PPL: variants seen among roughly 807,000 people sequenced by gnomAD.
PPL encodes periplakin.
Under a neutral mutation model 194.4 loss-of-function variants are expected in PPL, and 198 were observed. That is an observed-to-expected ratio of 1.02 (90% CI 0.91 to 1.15). The LOEUF (loss-of-function observed/expected upper bound fraction) is 1.15, where lower values mean the gene tolerates loss of function less well. Ranked by LOEUF, PPL falls within the 50% of genes most tolerant of loss-of-function variation. PPL has a pLI of 0.00. For synonymous variants in PPL, 1,220 were observed against 972.4 expected (o/e 1.25, Z -4.74); for missense variants, 2,885 against 2,294.8 (o/e 1.26, Z -5.25).
chr16:4,883,154 T>C lies in PPL; in HGVS notation c.*230A>G, dbSNP rs2088131922. ...AAAAGGCATCGCAGTTGTCCAGTCA[T>C]TGGAGGATGAAGTACGTCACTCAGG... On this transcript the variant is annotated 3_prime_UTR_variant, in exon 22 of 22. Coordinates refer to ENST00000345988, the MANE Select transcript of PPL (RefSeq NM_002705.5). The surrounding 1 kb of genome is among the most constrained non-coding windows in gnomAD (Gnocchi z 4.8). 3.6e-6 allele frequency: 2 copies of C among 559,140 alleles called. No individual in the cohort carries two copies. The highest frequency in any genetic ancestry group is 1.9e-5 in the African/African-American group (1 of 53,034). 34.6% of individuals were successfully genotyped at this position (559,140 alleles called of 1,614,324 possible).
Position 4,900,769 on chromosome 16 carries a change from G to A in PPL, c.606+61C>T, listed in dbSNP as rs1056839670. On this transcript the variant is annotated intron_variant, in intron 6 of 21. Transcript: ENST00000345988. The stretch of plus-strand genomic sequence containing the variant: ...TAAAACAATACATCCTTGTCCCCCC[G>A]ACTCCAAGCTTCCCATCCTCTCCTC... 1.4e-5 allele frequency: 22 copies of A among 1,606,156 alleles called. 1 individual carries two copies. The highest frequency in any genetic ancestry group is 6.7e-5 in the Admixed American group (4 of 59,880).
At chr16:4,893,751 C>T (rs913308745) in intron 12 of PPL, 113 bp from the exon 13 acceptor site, 5 of 820,796 alleles carry the variant, frequency 6.1e-6, no homozygotes, top group African/African-American at 3.4e-5. Context: ...CTGACAGCTC[C>T]TTAGATGCGG....
intron 9 of PPL, among the ~76,000 whole-genome samples, chr16:4,896,882 G>A (rs780481810): frequency 7.9e-5 from 12 of 151,738 alleles, no homozygotes; most frequent in Admixed American, 1.3e-4. Context: ...TGATCCAGTC[G>A]CCTCGGCTTC....
intron 2 of PPL, among the ~76,000 whole-genome samples, chr16:4,906,472 G>A (rs930867383): frequency 3.3e-5 from 5 of 152,072 alleles, no homozygotes; most frequent in East Asian, 1.9e-4. Flanking sequence ...TGATCCACCC[G>A]CCTCGGCCTC....
intron 1 of PPL, among the ~76,000 whole-genome samples, chr16:4,911,428 C>T (rs1196659904): frequency 1.3e-5 from 2 of 152,114 alleles, no homozygotes; most frequent in Non-Finnish European, 2.9e-5. Context: ...TCCCAAAGTG[C>T]TGGGATTACA....
In PPL at chr16:4,899,250, G is replaced by C. The variant is rs1324388626; in HGVS notation, c.741C>G (p.Asp247Glu). ...CATACTGGCGCCGGCGGCTGGGGTA[G>C]TCGAGGTTGCGGTCACTCCAGTCGT... ...MQYDWSDRNL[D>E]YPSRRRQYEN... is the part of the protein sequence containing the mutation. The change falls in exon 7 of 22, where the codon GAC becomes GAG. Residue 247 changes from aspartate (D) to glutamate (E), a missense_variant. Transcript: ENST00000345988. The C allele has an allele frequency of 8.7e-6, 14 of 1,613,830 alleles. No homozygotes were observed. Among genetic ancestry groups the C allele is most frequent in the Non-Finnish European group, 1.2e-5 (14 of 1,179,988 alleles).
intron 1 of PPL, among the ~76,000 whole-genome samples, chr16:4,917,446 A>G (rs900675683): frequency 1.3e-5 from 2 of 152,196 alleles, no homozygotes; most frequent in Non-Finnish European, 2.9e-5. Flanking sequence ...AACGTCCAGA[A>G]TGCAGAAATC....
At chr16:4,897,930 GGGA>G (rs1367388401) in intron 8 of PPL, among the ~76,000 whole-genome samples, 160 bp from the exon 9 acceptor site, 2 of 152,284 alleles carry the variant, frequency 1.3e-5, no homozygotes, top group African/African-American at 2.4e-5. Flanking sequence ...GCTCAGGAGT[GGGA>G]GGAGGAGAGA....
At chr16:4,935,800 A>G (rs1040002648) in intron 1 of PPL, among the ~76,000 whole-genome samples, 2 of 152,238 alleles carry the variant, frequency 1.3e-5, no homozygotes, top group Admixed American at 6.5e-5. Context: ...CCCTGGGCCC[A>G]GAGGCCTCTC....
chr16:4,896,632 C>T (rs1037478288), intron 9 of PPL, among the ~76,000 whole-genome samples: 21 of 144,190 alleles, frequency 1.5e-4, no homozygotes, highest in East Asian at 3.9e-4. Flanking sequence ...CTAATGAGTA[C>T]GGGGTTGTTT....
chr16:4,888,702 T>A (rs2088258071), intron 19 of PPL: 2 of 470,612 alleles, frequency 4.2e-6, no homozygotes, highest in East Asian at 6.2e-5. Flanking sequence ...AACAATGTTG[T>A]TTATCCTGCA....
At chr16:4,929,177 C>G (rs1466050358) in intron 1 of PPL, among the ~76,000 whole-genome samples, 1 of 151,552 alleles carries the variant, frequency 6.6e-6, no homozygotes, top group East Asian at 1.9e-4. Flanking sequence ...AGCACCCAAC[C>G]TCAAGGCCTT....
chr16:4,923,979 A>C (rs999908485), intron 1 of PPL, among the ~76,000 whole-genome samples: 12 of 152,130 alleles, frequency 7.9e-5, no homozygotes, highest in Admixed American at 2.6e-4. Context: ...GTATTACTCC[A>C]CCTGTCTCAG....
chr16:4,935,552 A>C (rs1441316355), intron 1 of PPL, among the ~76,000 whole-genome samples: 1 of 151,916 alleles, frequency 6.6e-6, no homozygotes, highest in Non-Finnish European at 1.5e-5. Flanking sequence ...GGCCCTGCCC[A>C]GTCTCTGGGG....
chr16:4,895,768 G>A, intron 9 of PPL, 52 bp from the exon 10 acceptor site: 1 of 1,611,162 alleles, frequency 6.2e-7, no homozygotes, highest in Non-Finnish European at 8.5e-7. Context: ...GAAGCACCTG[G>A]GCTTCTGTCG....
chr16:4,906,440 T>C (rs2088684429), intron 2 of PPL, among the ~76,000 whole-genome samples: 1 of 152,122 alleles, frequency 6.6e-6, no homozygotes, highest in Non-Finnish European at 1.5e-5. Flanking sequence ...TTAGCCAGGA[T>C]GGTCTCGATC....
chr16:4,921,171 G>A (rs1306514918), intron 1 of PPL, among the ~76,000 whole-genome samples: 1 of 152,176 alleles, frequency 6.6e-6, no homozygotes, highest in Non-Finnish European at 1.5e-5. Flanking sequence ...CATTTTCTTG[G>A]CCTGGTCTGC....
chr16:4,893,292 GC>G lies in PPL; in HGVS notation c.1570del (p.Ala524ProfsTer63). ...VASDLDRQEKAITGILRPPLE... is the reference protein window; with the variant it reads ...VASDLDRQEKXITGILRPPLE... ...TGGTGGCCGCAGGATCCCTGTGATG[GC>G]CTTCTCCTGCCGGTCCAGGTCGCTG... is the stretch of plus-strand genomic sequence containing the variant. On this transcript the variant is annotated frameshift_variant, in exon 14 of 22. Coordinates refer to ENST00000345988, the MANE Select transcript of PPL (RefSeq NM_002705.5). LOFTEE classifies it high-confidence loss of function. 6.2e-7 allele frequency: 1 copy of G among 1,604,520 alleles called. No individual in the cohort carries two copies. Among genetic ancestry groups the G allele is most frequent in the Non-Finnish European group, 8.5e-7 (1 of 1,178,232 alleles).
chr16:4,897,436 C>A (rs2088453118), intron 9 of PPL, among the ~76,000 whole-genome samples: 1 of 152,016 alleles, frequency 6.6e-6, no homozygotes, highest in Non-Finnish European at 1.5e-5. Context: ...CCCTGGGCCC[C>A]ATGTGACCTG....
Sources: gnomAD v4.1 joint callset for allele counts (sites outside exome capture counted in the v4.1 genomes callset) on GRCh38, gnomAD v4.1.1 for gene constraint, Gnocchi (gnomAD v3.1) non-coding constraint, MANE v1.5 for transcripts, NCBI Gene and HGNC (gene_info 2026-07-23, HGNC 2026-07-21) for gene names.